RUNX1: variants seen among roughly 807,000 people sequenced by gnomAD.
RUNX1 encodes RUNX family transcription factor 1.
A neutral mutation model predicts 42.8 loss-of-function variants in RUNX1; 19 were observed. That is an observed-to-expected ratio of 0.44 (90% CI 0.31 to 0.65). The LOEUF (loss-of-function observed/expected upper bound fraction) is 0.65, where lower values mean the gene tolerates loss of function less well. Ranked by LOEUF, RUNX1 falls within the 30% of genes least tolerant of loss-of-function variation. The pLI is 0.07. For missense variants in RUNX1, 528 were observed against 672.0 expected, an observed-to-expected ratio of 0.79 and a Z score of 2.37; for synonymous variants, 271 against 289.4, an observed-to-expected ratio of 0.94 and a Z score of 0.64.
intron 7 of RUNX1, chr21:34,821,534 CCA>C: frequency 1.3e-6 from 2 of 1,519,944 alleles, no homozygotes; most frequent in East Asian, 5.0e-5. Context: ...AATTACAGAC[CCA>C]CATTCTGCCT....
At chr21:34,989,016 T>TC (rs1569139186) in intron 2 of RUNX1, among the ~76,000 whole-genome samples, 21 of 132,914 alleles carry the variant, frequency 1.6e-4, no homozygotes, top group South Asian at 1.1e-3. Flanking sequence ...CTCTCTCTCT[T>TC]TTTTTTTTTT....
At chr21:34,915,296 T>C (rs1350440340) in intron 2 of RUNX1, among the ~76,000 whole-genome samples, 1 of 152,222 alleles carries the variant, frequency 6.6e-6, no homozygotes, top group Non-Finnish European at 1.5e-5. Context: ...AAGGGAAGAA[T>C]TAATGACTAT....
chr21:34,814,322 G>A (rs1027695074), intron 7 of RUNX1, among the ~76,000 whole-genome samples: 1 of 152,104 alleles, frequency 6.6e-6, no homozygotes, highest in Non-Finnish European at 1.5e-5. Context: ...TGAGGTGGTC[G>A]TGGGGAGGAG....
chr21:34,827,577 G>A (rs1189662336), intron 7 of RUNX1, among the ~76,000 whole-genome samples: 1 of 152,170 alleles, frequency 6.6e-6, no homozygotes, highest in Non-Finnish European at 1.5e-5. Context: ...TCCCATCATA[G>A]GCCCAGAGCT....
chr21:34,914,025 A>G (rs1193861237), intron 2 of RUNX1, among the ~76,000 whole-genome samples: 1 of 152,192 alleles, frequency 6.6e-6, no homozygotes, highest in Non-Finnish European at 1.5e-5. Context: ...CTGTTACTCA[A>G]TATGGCCAAC....
At chr21:34,834,635 G>GGAGGGGA in intron 6 of RUNX1, 34 bp from the exon 7 acceptor site, 1 of 1,127,354 alleles carries the variant, frequency 8.9e-7, no homozygotes, top group South Asian at 1.2e-5. Flanking sequence ...AGGGGATGGG[G>GGAGGGGA]GGAGGGAAGG....
intron 2 of RUNX1, among the ~76,000 whole-genome samples, chr21:34,987,824 C>A (rs1403031209): frequency 6.6e-6 from 1 of 152,134 alleles, no homozygotes; most frequent in Non-Finnish European, 1.5e-5. Flanking sequence ...TCTTGAAGTG[C>A]CTGGAAAATG....
rs754300424 is a variant in RUNX1 at position 34,969,775 on chromosome 21, AC to A, written c.59-76813del. On this transcript the variant is annotated intron_variant, in intron 2 of 8. Transcript: ENST00000675419. ...CTTTATCAGTTAAAGCAAAAAAAAA[AC>A]AAAGGCCAGGCAGAATCTAATTATA... is the stretch of plus-strand genomic sequence containing the variant. Among the ~76,000 whole-genome samples, 497 of 150,676 alleles carry A rather than the reference AC, an allele frequency of 3.3e-3. 5 individuals carry two copies. Among genetic ancestry groups the A allele is most frequent in the African/African-American group, 8.4e-3 (344 of 41,182 alleles).
At chr21:34,857,340 G>A (rs2834652) in intron 6 of RUNX1, among the ~76,000 whole-genome samples, 118,279 of 152,146 alleles carry the variant, frequency 0.78, 46,316 homozygotes, top group East Asian at 0.95. Context: ...CGTTACAATC[G>A]CATAGACATC....
chr21:34,799,218 C>A, intron 8 of RUNX1, 83 bp downstream of exon 8: 2 of 1,437,270 alleles, frequency 1.4e-6, no homozygotes, highest in Non-Finnish European at 2.0e-6. Context: ...CAATAATGTT[C>A]TGCCAACTCC....
intron 2 of RUNX1, among the ~76,000 whole-genome samples, chr21:34,975,034 TA>T (rs2058790825): frequency 6.7e-6 from 1 of 148,500 alleles, no homozygotes; most frequent in Non-Finnish European, 1.5e-5. Context: ...GCAAGTGTAA[TA>T]CTAGGCAGAG....
intron 3 of RUNX1, among the ~76,000 whole-genome samples, chr21:34,889,310 C>T (rs1414453818): frequency 3.3e-5 from 5 of 152,126 alleles, no homozygotes; most frequent in Admixed American, 1.3e-4. Context: ...GCGCTGATTC[C>T]TTGCATGAGG....
chr21:34,912,497 G>A (rs939065835), intron 2 of RUNX1, among the ~76,000 whole-genome samples: 1 of 152,010 alleles, frequency 6.6e-6, no homozygotes, highest in Non-Finnish European at 1.5e-5. Context: ...TTAACATATT[G>A]CACCGATGTT....
rs1361501892 is a variant in RUNX1 at position 34,973,626 on chromosome 21, C to T, written c.58+75216G>A. Among the ~76,000 whole-genome samples the T allele has an allele frequency of 1.3e-5, 2 of 152,172 alleles. 1 individual carries two copies. The highest frequency in any genetic ancestry group is 6.3e-3 in the Middle Eastern group (2 of 316). Reference sequence around the variant, plus strand: ...CTCCTATAAATCTGCTTGTAAATCCCAAGTACTAGTTTAATTTACCAAGAG... The same window carrying T: ...CTCCTATAAATCTGCTTGTAAATCCTAAGTACTAGTTTAATTTACCAAGAG... On this transcript the variant is annotated intron_variant, in intron 2 of 8. Coordinates refer to ENST00000675419, the MANE Select transcript of RUNX1 (RefSeq NM_001754.5).
intron 7 of RUNX1, among the ~76,000 whole-genome samples, chr21:34,811,746 A>C (rs1028749611): frequency 1.3e-5 from 2 of 152,186 alleles, no homozygotes; most frequent in African/African-American, 2.4e-5. Context: ...CTTGCCCCAC[A>C]ACTGGAGACA....
intron 6 of RUNX1, among the ~76,000 whole-genome samples, chr21:34,836,136 A>G (rs2057143011): frequency 6.6e-6 from 1 of 152,226 alleles, no homozygotes; most frequent in South Asian, 2.1e-4. Flanking sequence ...ATGTAGTTCA[A>G]ATGCAATGGC....
intron 7 of RUNX1, among the ~76,000 whole-genome samples, chr21:34,815,555 G>T (rs2056814137): frequency 6.6e-6 from 1 of 152,188 alleles, no homozygotes; most frequent in South Asian, 2.1e-4. Flanking sequence ...GCAAGAAAAA[G>T]AGTAAACTTG....
At chr21:34,949,927 G>A (rs772695671) in intron 2 of RUNX1, among the ~76,000 whole-genome samples, 10 of 152,204 alleles carry the variant, frequency 6.6e-5, no homozygotes, top group Admixed American at 2.6e-4. Flanking sequence ...GGCATAAAGC[G>A]GATGATGGGG....
chr21:35,020,434 C>T (rs971064818), intron 2 of RUNX1, among the ~76,000 whole-genome samples: 1 of 152,134 alleles, frequency 6.6e-6, no homozygotes, highest in African/African-American at 2.4e-5. Context: ...GTTCTAATGT[C>T]TGAGGCCTTT....
Sources: allele counts gnomAD v4.1 joint callset (sites outside exome capture counted in the v4.1 genomes callset), GRCh38; gene constraint gnomAD v4.1.1; transcripts MANE v1.5; gene names NCBI Gene and HGNC (gene_info 2026-07-23, HGNC 2026-07-21).